SYNE2: variants seen among roughly 807,000 people sequenced by gnomAD.
SYNE2 encodes the protein spectrin repeat containing nuclear envelope protein 2.
Under a neutral mutation model 856.3 loss-of-function variants are expected in SYNE2, and 431 were observed. The observed-to-expected ratio is 0.50, with a 90% CI of 0.47 to 0.55. The LOEUF (loss-of-function observed/expected upper bound fraction) is 0.55, where lower values mean the gene tolerates loss of function less well. Among genes scored for constraint, SYNE2 ranks in the 20% least tolerant of loss-of-function variants. The pLI is 0.00. For synonymous variants in SYNE2, 2,923 were observed against 2,872.3 expected, an observed-to-expected ratio of 1.02 and a Z score of -0.56; for missense variants, 8,129 against 8,023.2, an observed-to-expected ratio of 1.01 and a Z score of -0.50.
intron 1 of SYNE2, among the ~76,000 whole-genome samples, chr14:63,813,225 CTA>C (rs1385399244): frequency 6.6e-6 from 1 of 152,156 alleles, no homozygotes; most frequent in Non-Finnish European, 1.5e-5. Context: ...TTTAATGAGA[CTA>C]AACTTATTTT....
At chr14:64,063,884 G>A (rs1003435303) in intron 50 of SYNE2, among the ~76,000 whole-genome samples, 5 of 152,128 alleles carry the variant, frequency 3.3e-5, no homozygotes, top group African/African-American at 1.2e-4. Flanking sequence ...TTGAGACTGT[G>A]AATAACACTG....
At chr14:63,768,803 G>A (rs1357284201) in intron 1 of SYNE2, among the ~76,000 whole-genome samples, 1 of 152,074 alleles carries the variant, frequency 6.6e-6, no homozygotes, top group African/African-American at 2.4e-5. Flanking sequence ...AAGGTACAAG[G>A]TGCATATCAC....
At chr14:63,957,051 G>T (rs2096249330) in intron 8 of SYNE2, among the ~76,000 whole-genome samples, 1 of 151,512 alleles carries the variant, frequency 6.6e-6, no homozygotes, top group Non-Finnish European at 1.5e-5. Flanking sequence ...TTTGTGACTG[G>T]CTTCTTTAAC....
At chr14:63,974,876 G>A (rs1258037355) in intron 11 of SYNE2, among the ~76,000 whole-genome samples, 15 of 30,966 alleles carry the variant, frequency 4.8e-4, no homozygotes, top group Non-Finnish European at 5.2e-4. Flanking sequence ...GTGTGTGTGT[G>A]TGTGTGTGTG....
intron 1 of SYNE2, among the ~76,000 whole-genome samples, chr14:63,803,294 A>T (rs939571557): frequency 1.3e-5 from 2 of 152,146 alleles, no homozygotes; most frequent in African/African-American, 4.8e-5. Context: ...GGTCGATGGG[A>T]CTGGGCGCCA....
At chr14:63,876,530 C>T (rs924393167) in intron 1 of SYNE2, among the ~76,000 whole-genome samples, 17 of 151,946 alleles carry the variant, frequency 1.1e-4, no homozygotes, top group Admixed American at 9.8e-4. Flanking sequence ...CTCTGTTGCC[C>T]AGGCTGGAGT....
rs575073065 is a variant in SYNE2 at position 63,853,468 on chromosome 14, C to T, written c.-52+325C>T. ...CCCCAGCCCGCCGGTCCGCCCGGCT[C>T]GGGCAGGCGCTGCGCGGGAGGCTGT... On this transcript the variant is annotated intron_variant, in intron 1 of 115. Coordinates refer to ENST00000555002, the MANE Select transcript of SYNE2 (RefSeq NM_182914.3). 2.3e-4 allele frequency among the ~76,000 whole-genome samples: 35 copies of T among 151,714 alleles called. 1 individual carries two copies. The South Asian group carries it at 6.8e-3, about 30-fold the overall frequency.
intron 11 of SYNE2, among the ~76,000 whole-genome samples, chr14:63,968,420 A>G (rs1241580517): frequency 6.6e-6 from 1 of 152,106 alleles, no homozygotes; most frequent in Non-Finnish European, 1.5e-5. Context: ...GCCACAGTAG[A>G]TTATCTATAT....
chr14:63,774,342 G>A (rs553497904), intron 1 of SYNE2, among the ~76,000 whole-genome samples: 6 of 151,802 alleles, frequency 4.0e-5, no homozygotes, highest in East Asian at 3.9e-4. Flanking sequence ...AGTTGTGGGC[G>A]ACTGTAATCC....
intron 1 of SYNE2, among the ~76,000 whole-genome samples, chr14:63,781,508 G>A (rs957622565): frequency 6.6e-6 from 1 of 150,730 alleles, no homozygotes; most frequent in Non-Finnish European, 1.5e-5. Flanking sequence ...TCTTGGAGAC[G>A]GAGTCTCGCT....
intron 57 of SYNE2, chr14:64,087,371 G>T (rs747583607): frequency 1.8e-6 from 1 of 554,058 alleles, no homozygotes; most frequent in African/African-American, 1.9e-5. Context: ...GTATGAAAGG[G>T]CTTATTATGT....
At chr14:64,114,163 C>T (rs1022587181) in intron 66 of SYNE2, among the ~76,000 whole-genome samples, 1 of 152,082 alleles carries the variant, frequency 6.6e-6, no homozygotes, top group African/African-American at 2.4e-5. Context: ...CTGGGTTTTG[C>T]TTGGGAGGGG....
At chr14:64,010,829 G>C (rs2096838536) in intron 32 of SYNE2, among the ~76,000 whole-genome samples, 1 of 152,178 alleles carries the variant, frequency 6.6e-6, no homozygotes, top group Non-Finnish European at 1.5e-5. Context: ...AGTAGAGACA[G>C]GGTTTCGCCG....
chr14:63,807,617 T>C (rs1480681298), intron 1 of SYNE2, among the ~76,000 whole-genome samples: 1 of 150,480 alleles, frequency 6.6e-6, no homozygotes, highest in Non-Finnish European at 1.5e-5. Flanking sequence ...GACAAAGTTT[T>C]CTTAGAGAGT....
intron 45 of SYNE2, among the ~76,000 whole-genome samples, chr14:64,032,520 C>T (rs2097047956): frequency 1.3e-5 from 2 of 152,114 alleles, no homozygotes; most frequent in African/African-American, 4.8e-5. Flanking sequence ...TGTGATTGCA[C>T]CACTGTACTC....
At chr14:64,190,281 T>A (rs1567597823) in intron 99 of SYNE2, 44 bp downstream of exon 99, 1 of 1,610,488 alleles carries the variant, frequency 6.2e-7, no homozygotes, top group East Asian at 2.2e-5. Flanking sequence ...GAACAGTAAT[T>A]ACTTTACAGA....
At chr14:63,985,277 C>T (rs1376048438) in intron 18 of SYNE2, among the ~76,000 whole-genome samples, 2 of 147,722 alleles carry the variant, frequency 1.4e-5, no homozygotes, top group Non-Finnish European at 3.0e-5. Flanking sequence ...TTGCCGTGAG[C>T]CAAGATTGCA....
intron 11 of SYNE2, among the ~76,000 whole-genome samples, chr14:63,974,892 G>GTGTGTGTATATATATATATATA (rs1375697679): frequency 3.1e-4 from 21 of 67,298 alleles, no homozygotes; most frequent in African/African-American, 4.9e-4. Context: ...GTGTGTGTGT[G>GTGTGTGTATATATATATATATA]TATATATATA....
At chr14:63,892,837 T>C (rs932868097) in intron 1 of SYNE2, among the ~76,000 whole-genome samples, 2 of 152,044 alleles carry the variant, frequency 1.3e-5, no homozygotes, top group Non-Finnish European at 2.9e-5. Context: ...CCCAAGTAGC[T>C]GGCCTATAGG....
Sources: gnomAD v4.1 joint callset for allele counts (sites outside exome capture counted in the v4.1 genomes callset) on GRCh38, gnomAD v4.1.1 for gene constraint, MANE v1.5 for transcripts, NCBI Gene and HGNC (gene_info 2026-07-23, HGNC 2026-07-21) for gene names.